Variants in FRMD5 observed in about 807,000 individuals in gnomAD.
FRMD5 encodes FERM domain containing 5, also known as FERM domain-containing protein 5.
A neutral mutation model predicts 69.0 loss-of-function variants in FRMD5; 20 were observed. The observed-to-expected ratio is 0.29, with a 90% CI of 0.20 to 0.42. The LOEUF (loss-of-function observed/expected upper bound fraction) is 0.42. Among genes scored for constraint, FRMD5 ranks in the 10% least tolerant of loss-of-function variants. The probability of loss-of-function intolerance (pLI) is 1.00; values close to 1 mark genes in which losing one functional copy is unlikely to be tolerated. For synonymous variants in FRMD5, 271 were observed against 260.1 expected, an observed-to-expected ratio of 1.04 and a Z score of -0.40; for missense variants, 595 against 708.6, an observed-to-expected ratio of 0.84 and a Z score of 1.82.
rs554044426 is a variant in FRMD5 at position 44,043,387 on chromosome 15, C to G, written c.103-119078G>C. On this transcript the variant is annotated intron_variant, in intron 1 of 13. Coordinates refer to ENST00000417257, the MANE Select transcript of FRMD5 (RefSeq NM_032892.5). Reference sequence around the variant, plus strand: ...CAGAATGAATGCTATCCACATGAAGCTACCACTGACTTGCTTCACAGAATT... The same window carrying G: ...CAGAATGAATGCTATCCACATGAAGGTACCACTGACTTGCTTCACAGAATT... Among the ~76,000 whole-genome samples the G allele has an allele frequency of 7.9e-5, 12 of 152,276 alleles. No individual in the cohort carries two copies. The South Asian group carries it at 2.5e-3, about 32-fold the overall frequency.
chr15:44,121,036 A>T (rs1264931667), intron 1 of FRMD5, among the ~76,000 whole-genome samples: 1 of 152,144 alleles, frequency 6.6e-6, no homozygotes, highest in Non-Finnish European at 1.5e-5. Context: ...AATCAGAAAG[A>T]AAACACAGAG....
intron 1 of FRMD5, among the ~76,000 whole-genome samples, chr15:44,184,235 C>G (rs1163079259): frequency 6.6e-6 from 1 of 152,154 alleles, no homozygotes; most frequent in Non-Finnish European, 1.5e-5. Flanking sequence ...TCCTGAAGCA[C>G]CAGACCTGAA....
chr15:44,063,915 G>T, intron 1 of FRMD5: 2 of 267,628 alleles, frequency 7.5e-6, no homozygotes, highest in South Asian at 8.3e-5. Context: ...TAATGGGTGT[G>T]AACCATGAGA....
intron 1 of FRMD5, among the ~76,000 whole-genome samples, chr15:44,009,502 A>C (rs185350880): frequency 6.6e-6 from 1 of 152,240 alleles, no homozygotes; most frequent in Non-Finnish European, 1.5e-5. Flanking sequence ...CAACATGGAG[A>C]GACTCTGCCT....
chr15:44,079,017 A>G (rs926616883), intron 1 of FRMD5, among the ~76,000 whole-genome samples: 3 of 152,290 alleles, frequency 2.0e-5, no homozygotes, highest in East Asian at 1.9e-4. Context: ...TGCAAATCAC[A>G]TATCTAATAA....
intron 1 of FRMD5, among the ~76,000 whole-genome samples, chr15:44,062,482 A>T (rs112515468): frequency 6.6e-6 from 1 of 151,982 alleles, no homozygotes; most frequent in African/African-American, 2.4e-5. Flanking sequence ...CTTGAGACCA[A>T]GAGTTCGAAA....
At chr15:44,075,546 G>C (rs1893722159) in intron 1 of FRMD5, among the ~76,000 whole-genome samples, 1 of 151,836 alleles carries the variant, frequency 6.6e-6, no homozygotes, top group South Asian at 2.1e-4. Context: ...TCAAATGATG[G>C]TATAAATATA....
intron 1 of FRMD5, among the ~76,000 whole-genome samples, chr15:44,136,459 T>C (rs569708114): frequency 3.9e-5 from 6 of 152,208 alleles, no homozygotes; most frequent in Non-Finnish European, 8.8e-5. Context: ...ACTTTATTTC[T>C]CTAGGCACAT....
intron 5 of FRMD5, 63 bp from the exon 6 acceptor site, chr15:43,906,014 A>C: frequency 6.2e-7 from 1 of 1,603,280 alleles, no homozygotes; most frequent in Non-Finnish European, 8.5e-7. Context: ...TGACAAAGCA[A>C]CAAGAGATTA....
At chr15:44,093,824 G>A (rs995833836) in intron 1 of FRMD5, among the ~76,000 whole-genome samples, 11 of 151,686 alleles carry the variant, frequency 7.3e-5, no homozygotes, top group Admixed American at 2.6e-4. Flanking sequence ...CGCCTGTCTC[G>A]GCCTCCCAAA....
Position 44,106,337 on chromosome 15 carries a change from G to A in FRMD5, c.102+88616C>T, listed in dbSNP as rs1029799206. Reference sequence around the variant, plus strand: ...AAGGATAGAGTCTAAACTCCTAAAAGGCTAAAACTGACTCTCTAAGAACTG... The same window carrying A: ...AAGGATAGAGTCTAAACTCCTAAAAAGCTAAAACTGACTCTCTAAGAACTG... On this transcript the variant is annotated intron_variant, in intron 1 of 13. Coordinates refer to ENST00000417257, the MANE Select transcript of FRMD5 (RefSeq NM_032892.5). 3.3e-5 allele frequency among the ~76,000 whole-genome samples: 5 copies of A among 152,226 alleles called. No individual in the cohort carries two copies. In the East Asian group the frequency reaches 7.7e-4, roughly 23 times the overall value.
At chr15:44,059,420 A>C (rs1021410433) in intron 1 of FRMD5, among the ~76,000 whole-genome samples, 2 of 152,236 alleles carry the variant, frequency 1.3e-5, no homozygotes, top group Admixed American at 1.3e-4. Flanking sequence ...ACATCTGAGA[A>C]TACCAAGCCA....
At chr15:44,042,048 G>A (rs962507334) in intron 1 of FRMD5, among the ~76,000 whole-genome samples, 2 of 152,034 alleles carry the variant, frequency 1.3e-5, no homozygotes, top group Admixed American at 1.3e-4. Context: ...GACTAATAAC[G>A]AAGAAAAGAG....
intron 1 of FRMD5, among the ~76,000 whole-genome samples, chr15:43,986,818 T>C (rs1889418286): frequency 6.6e-6 from 1 of 151,946 alleles, no homozygotes. Flanking sequence ...TTTAAATAAA[T>C]TCAAGATTTG....
chr15:44,091,576 G>C (rs78147116), intron 1 of FRMD5, among the ~76,000 whole-genome samples: 2 of 152,128 alleles, frequency 1.3e-5, no homozygotes, highest in African/African-American at 2.4e-5. Context: ...GCACATTAAT[G>C]TGAACAAGAT....
intron 1 of FRMD5, among the ~76,000 whole-genome samples, chr15:44,043,500 C>T (rs1313315956): frequency 1.3e-5 from 2 of 152,130 alleles, no homozygotes; most frequent in Non-Finnish European, 2.9e-5. Flanking sequence ...AAGCTGGAGG[C>T]ATCACGCTAC....
rs145523304 is a variant in FRMD5, at chr15:44,093,346, C to CA, written c.102+101606dup. On this transcript the variant is annotated intron_variant, in intron 1 of 13. Transcript: ENST00000417257. ...CTCTCTTCCATTCCTTCCTTCAGGA[C>CA]AAAAAAAAAACAACTTGATCTTATC... Among the ~76,000 whole-genome samples the CA allele has an allele frequency of 0.011, 1,506 of 140,350 alleles. 41 individuals are homozygous for CA. The East Asian group carries it at 0.11, about 10-fold the overall frequency. 92.1% of individuals were successfully genotyped at this position (140,350 alleles called of 152,430 possible).
At chr15:43,924,148 G>A in intron 2 of FRMD5, 57 bp downstream of exon 2, 3 of 1,282,592 alleles carry the variant, frequency 2.3e-6, no homozygotes, top group South Asian at 1.2e-5. Flanking sequence ...GACAGTTCAA[G>A]ACCTCAGTCT....
At position 43,980,036 on chromosome 15, in the gene FRMD5, C is replaced by T. The variant is rs147997680; in HGVS notation, c.103-55727G>A. On this transcript the variant is annotated intron_variant, in intron 1 of 13. Transcript: ENST00000417257. ...TGTGCTGCTCAGAATCCTAGATGTT[C>T]CATTTGAATTCCTCCTGTTTTTGCT... is the stretch of plus-strand genomic sequence containing the variant. Among the ~76,000 whole-genome samples the T allele has an allele frequency of 2.8e-3, 422 of 152,258 alleles. 3 individuals are homozygous for T. The highest frequency in any genetic ancestry group is 0.011 in the Admixed American group (173 of 15,294).
Sources: allele counts gnomAD v4.1 joint callset (sites outside exome capture counted in the v4.1 genomes callset), GRCh38; gene constraint gnomAD v4.1.1; transcripts MANE v1.5; gene names NCBI Gene and HGNC (gene_info 2026-07-23, HGNC 2026-07-21).